SH3KBP1: variants seen among roughly 807,000 people sequenced by gnomAD.
The protein encoded by SH3KBP1 is SH3 domain containing kinase binding protein 1, also known as SH3 domain-containing kinase-binding protein 1.
In SH3KBP1, 8 loss-of-function variants were observed where a neutral mutation model predicts 50.1. That is an observed-to-expected ratio of 0.16 (90% CI 0.09 to 0.29). SH3KBP1 has a LOEUF of 0.29. Among genes scored for constraint, SH3KBP1 ranks in the 10% least tolerant of loss-of-function variants. SH3KBP1 has a pLI of 1.00. For synonymous variants in SH3KBP1, 227 were observed against 218.6 expected (o/e 1.04, Z -0.34); for missense variants, 377 against 535.2 (o/e 0.70, Z 2.92).
chrX:19,702,789 G>C (rs1421338480), intron 4 of SH3KBP1, among the ~76,000 whole-genome samples: 1 of 112,116 alleles, frequency 8.9e-6, no homozygotes. Flanking sequence ...CGCCATCTCT[G>C]TTCTTCCTAT....
At chrX:19,583,118 T>A (rs1281565203) in intron 12 of SH3KBP1, among the ~76,000 whole-genome samples, 1 of 83,698 alleles carries the variant, frequency 1.2e-5, no homozygotes, top group African/African-American at 4.4e-5. Flanking sequence ...ATTCAATTGC[T>A]AATACACATT....
chrX:19,602,795 A>C (rs1248035290), intron 9 of SH3KBP1, among the ~76,000 whole-genome samples: 1 of 112,155 alleles, frequency 8.9e-6, no homozygotes, highest in Non-Finnish European at 1.9e-5. Flanking sequence ...ATGTTGACTA[A>C]GAACAGATTT....
intron 8 of SH3KBP1, among the ~76,000 whole-genome samples, chrX:19,614,554 C>T (rs761079344): frequency 5.4e-5 from 6 of 111,905 alleles, no homozygotes; most frequent in Non-Finnish European, 1.1e-4. Context: ...AGACTCCATA[C>T]CCATTAAATC....
At chrX:19,762,452 C>A (rs1236354829) in intron 2 of SH3KBP1, among the ~76,000 whole-genome samples, 2 of 110,202 alleles carry the variant, frequency 1.8e-5, no homozygotes, top group Non-Finnish European at 3.8e-5. Flanking sequence ...TGACACCATC[C>A]AGACTGGTAA....
chrX:19,733,340 C>T (rs1478450148), intron 3 of SH3KBP1, among the ~76,000 whole-genome samples: 1 of 109,500 alleles, frequency 9.1e-6, no homozygotes, highest in African/African-American at 3.3e-5. Flanking sequence ...ATTATAAAGC[C>T]ATAATAGTTA....
intron 8 of SH3KBP1, among the ~76,000 whole-genome samples, chrX:19,624,886 C>T (rs1358408868): frequency 1.8e-5 from 2 of 112,290 alleles, no homozygotes; most frequent in Non-Finnish European, 3.8e-5. Context: ...TGATCCCAGA[C>T]CTATGCTTAA....
At chrX:19,817,963 T>A (rs1379596907) in intron 2 of SH3KBP1, among the ~76,000 whole-genome samples, 1 of 112,279 alleles carries the variant, frequency 8.9e-6, no homozygotes, top group African/African-American at 3.2e-5. Flanking sequence ...GATATGCAAC[T>A]ACTTACCATT....
rs752816669 is a variant in SH3KBP1 at position 19,836,293 on chromosome X, C to G, written c.5-11G>C. The G allele has an allele frequency of 1.7e-6, 2 of 1,201,109 alleles. No individual in the cohort carries two copies. Among genetic ancestry groups the G allele is most frequent in the Admixed American group, 4.4e-5 (2 of 45,746 alleles). ...CCACTATGGCCTCCACTGGAAGGAA[C>G]AGGGAAAACAGAGTAATTTAGGTCA... On this transcript the variant is annotated splice_polypyrimidine_tract_variant and intron_variant, in intron 1 of 17. Transcript: ENST00000397821.
intron 9 of SH3KBP1, among the ~76,000 whole-genome samples, chrX:19,603,561 T>C (rs779512468): frequency 8.9e-6 from 1 of 112,665 alleles, no homozygotes; most frequent in South Asian, 3.6e-4. Flanking sequence ...GAAACGCCTA[T>C]GGGAATCTTA....
At chrX:19,788,287 A>AAAC (rs2066421193) in intron 2 of SH3KBP1, among the ~76,000 whole-genome samples, 1 of 80,086 alleles carries the variant, frequency 1.2e-5, no homozygotes, top group African/African-American at 5.0e-5. Context: ...AAAAAAAAAC[A>AAAC]AAAAAAAAAA....
intron 3 of SH3KBP1, among the ~76,000 whole-genome samples, chrX:19,723,464 G>T (rs1363270055): frequency 8.9e-6 from 1 of 112,101 alleles, no homozygotes; most frequent in Non-Finnish European, 1.9e-5. Context: ...TGAACAGTAT[G>T]ATCCCATCTG....
At chrX:19,839,601 G>A (rs1422533177) in intron 1 of SH3KBP1, among the ~76,000 whole-genome samples, 1 of 112,457 alleles carries the variant, frequency 8.9e-6, no homozygotes, top group Non-Finnish European at 1.9e-5. Context: ...GGGATTACAG[G>A]CGTGAGCGAC....
chrX:19,835,249 A>G (rs1165999185), intron 2 of SH3KBP1, among the ~76,000 whole-genome samples: 1 of 110,614 alleles, frequency 9.0e-6, no homozygotes, highest in Non-Finnish European at 1.9e-5. Context: ...TCTTCCCACC[A>G]CAGCCTCCCA....
At chrX:19,588,608 C>T (rs2066641144) in intron 12 of SH3KBP1, 35 bp downstream of exon 12, 2 of 1,207,927 alleles carry the variant, frequency 1.7e-6, no homozygotes, top group Non-Finnish European at 1.1e-6. Flanking sequence ...CATAGCCACC[C>T]CACACCCGCC....
At chrX:19,626,141 G>T (rs770986515) in intron 8 of SH3KBP1, among the ~76,000 whole-genome samples, 5 of 111,295 alleles carry the variant, frequency 4.5e-5, no homozygotes, top group Non-Finnish European at 7.5e-5. Context: ...CTGTGGTCCT[G>T]GAGAAAGATC....
At chrX:19,576,205 A>T (rs981640234) in intron 12 of SH3KBP1, among the ~76,000 whole-genome samples, 27 of 111,794 alleles carry the variant, frequency 2.4e-4, no homozygotes, top group Non-Finnish European at 7.5e-5. Context: ...TGACTTGGAT[A>T]GGCAAGTACT....
chrX:19,633,204 G>A (rs746045519), intron 7 of SH3KBP1, among the ~76,000 whole-genome samples: 20 of 111,601 alleles, frequency 1.8e-4, no homozygotes, highest in Non-Finnish European at 3.2e-4. Flanking sequence ...AGTGAAGGGA[G>A]GAGAGGCGGT....
intron 7 of SH3KBP1, 82 bp downstream of exon 7, chrX:19,645,318 T>A (rs890030590): frequency 1.4e-6 from 1 of 735,403 alleles, no homozygotes; most frequent in African/African-American, 2.1e-5. Flanking sequence ...CAAGGTTATA[T>A]AGGGATTTCT....
intron 8 of SH3KBP1, among the ~76,000 whole-genome samples, chrX:19,619,501 T>C (rs1044291666): frequency 9.0e-6 from 1 of 111,566 alleles, no homozygotes; most frequent in Non-Finnish European, 1.9e-5. Context: ...TAATCAAGTA[T>C]GTGGTTGGGT....
Sources: gnomAD v4.1 joint callset for allele counts (sites outside exome capture counted in the v4.1 genomes callset) on GRCh38, gnomAD v4.1.1 for gene constraint, MANE v1.5 for transcripts, NCBI Gene and HGNC (gene_info 2026-07-23, HGNC 2026-07-21) for gene names.